The following CEP57L1 variants were observed in gnomAD, a reference collection of about 807,000 sequenced individuals.
CEP57L1 encodes centrosomal protein CEP57L1.
Under a neutral mutation model 61.0 loss-of-function variants are expected in CEP57L1, and 37 were observed. The ratio of observed to expected loss-of-function variants is 0.61; its 90% CI spans 0.47 to 0.80. The LOEUF is 0.80. CEP57L1 is among the 30% of genes least tolerant of loss of function. CEP57L1 has a pLI of 0.00. For synonymous variants in CEP57L1, 137 were observed against 162.3 expected (o/e 0.84, Z 1.19); for missense variants, 422 against 524.7 (o/e 0.80, Z 1.91).
chr6:109,173,140 C>T lies in CEP57L1; in HGVS notation c.*10170C>T, dbSNP rs1436416181. 6.6e-6 allele frequency among the ~76,000 whole-genome samples: 1 copy of T among 152,074 alleles called. No homozygotes were observed. Among genetic ancestry groups the T allele is most frequent in the African/African-American group, 2.4e-5 (1 of 41,400 alleles). ...CATGTCTGTGAAAAGTAAAGGGATA[C>T]TTTTGTGTAATATTTAACCATGTAT... On this transcript the variant is annotated 3_prime_UTR_variant, in exon 11 of 11. Transcript: ENST00000517392.
At chr6:109,153,325 T>C (rs926419021) in intron 4 of CEP57L1, among the ~76,000 whole-genome samples, 3 of 147,478 alleles carry the variant, frequency 2.0e-5, no homozygotes, top group African/African-American at 7.6e-5. Flanking sequence ...TACCATAACC[T>C]TGACTTGCCA....
chr6:109,166,080 T>C lies in CEP57L1; in HGVS notation c.*3110T>C, dbSNP rs1774081941. Among the ~76,000 whole-genome samples the C allele has an allele frequency of 1.3e-5, 2 of 152,178 alleles. No individual in the cohort carries two copies. The highest frequency in any genetic ancestry group is 2.1e-4 in the South Asian group (1 of 4,828). On this transcript the variant is annotated 3_prime_UTR_variant, in exon 11 of 11. Coordinates refer to ENST00000517392, the MANE Select transcript of CEP57L1 (RefSeq NM_001271852.3). ...ATATTCTGATACTGGAAATGGGAGTTGGAATCCTGAATTAACTGTACTTGG... is the reference window on the plus strand; with the variant it reads ...ATATTCTGATACTGGAAATGGGAGTCGGAATCCTGAATTAACTGTACTTGG...
rs995211352 is a variant in CEP57L1 at position 109,170,450 on chromosome 6, C to A, written c.*7480C>A. ...TGCCTTAAAGTTAAATGTACATTGA[C>A]CTTTGGTATTTCTTAGAAAAACCTG... is the stretch of plus-strand genomic sequence containing the variant. On this transcript the variant is annotated 3_prime_UTR_variant, in exon 11 of 11. Transcript: ENST00000517392. 6.6e-6 allele frequency among the ~76,000 whole-genome samples: 1 copy of A among 151,988 alleles called. No individual in the cohort carries two copies. Among genetic ancestry groups the A allele is most frequent in the African/African-American group, 2.4e-5 (1 of 41,368 alleles).
chr6:109,125,266 GTCTT>G lies in CEP57L1; in HGVS notation c.-3-19947_-3-19944del, dbSNP rs1376430516. ...GGAAAGCAGTTTAAACACTTTAGGA[GTCTT>G]TCTTTTAAAACTAGTCGAAATAAAT... On this transcript the variant is annotated intron_variant, in intron 1 of 10. Transcript: ENST00000517392. 4.6e-5 allele frequency among the ~76,000 whole-genome samples: 7 copies of G among 152,198 alleles called. No individual in the cohort carries two copies. The East Asian group carries it at 9.7e-4, about 21-fold the overall frequency.
intron 1 of CEP57L1, among the ~76,000 whole-genome samples, chr6:109,110,181 C>T (rs1451273689): frequency 6.6e-6 from 1 of 152,194 alleles, no homozygotes; most frequent in Non-Finnish European, 1.5e-5. Context: ...TTTTATTTCT[C>T]CACATCCTCT....
chr6:109,157,949 T>C (rs766939756), intron 7 of CEP57L1: 5 of 152,204 alleles, frequency 3.3e-5, no homozygotes, highest in African/African-American at 1.2e-4. Context: ...AACTCCTTCA[T>C]GCAATCCCTC....
At position 109,168,942 on chromosome 6, in the gene CEP57L1, G is replaced by A. The variant is rs532203064; in HGVS notation, c.*5972G>A. Among the ~76,000 whole-genome samples, 1 of 150,474 alleles carries A rather than the reference G, an allele frequency of 6.6e-6. No individual in the cohort carries two copies. The highest frequency in any genetic ancestry group is 2.1e-4 in the South Asian group (1 of 4,770). On this transcript the variant is annotated 3_prime_UTR_variant, in exon 11 of 11. Transcript: ENST00000517392. ...AATAGTATTGAAAATATCAGAATGT[G>A]GCCAGGTGCGATGGCTCACGCCTGT... is the stretch of plus-strand genomic sequence containing the variant.
intron 1 of CEP57L1, among the ~76,000 whole-genome samples, chr6:109,110,479 G>C (rs1178111910): frequency 6.6e-6 from 1 of 152,148 alleles, no homozygotes; most frequent in East Asian, 1.9e-4. Context: ...TAGGTTGCCT[G>C]TTCACTCTGA....
At position 109,154,672 on chromosome 6, in the gene CEP57L1, G is replaced by A. The variant is rs149810119; in HGVS notation, c.580-558G>A. On this transcript the variant is annotated intron_variant, in intron 5 of 10. Coordinates refer to ENST00000517392, the MANE Select transcript of CEP57L1 (RefSeq NM_001271852.3). ...TATAGGATTTTGAATTTTTGGATTAGGGATACCGAACCAGTAATGAAAATA... is the reference window on the plus strand; with the variant it reads ...TATAGGATTTTGAATTTTTGGATTAAGGATACCGAACCAGTAATGAAAATA... 8.2e-3 allele frequency among the ~76,000 whole-genome samples: 1,249 copies of A among 152,106 alleles called. 22 individuals are homozygous for A. Among genetic ancestry groups the A allele is most frequent in the African/African-American group, 0.029 (1,187 of 41,522 alleles).
intron 1 of CEP57L1, among the ~76,000 whole-genome samples, chr6:109,102,668 G>A (rs1160165207): frequency 6.6e-6 from 1 of 151,880 alleles, no homozygotes; most frequent in Non-Finnish European, 1.5e-5. Flanking sequence ...TTTGTAAAAG[G>A]TATAAGGTCT....
intron 1 of CEP57L1, among the ~76,000 whole-genome samples, chr6:109,114,059 T>C (rs1771995098): frequency 6.6e-6 from 1 of 152,130 alleles, no homozygotes. Context: ...TTTTTTTGCT[T>C]TGGGTATATA....
intron 6 of CEP57L1, 29 bp downstream of exon 6, chr6:109,155,336 A>G: frequency 8.6e-7 from 1 of 1,167,486 alleles, no homozygotes. Context: ...AATCTATCAC[A>G]GTAAACCATA....
chr6:109,164,430 A>G lies in CEP57L1; in HGVS notation c.*1460A>G, dbSNP rs1199413020. On this transcript the variant is annotated 3_prime_UTR_variant, in exon 11 of 11. Transcript: ENST00000517392. The stretch of plus-strand genomic sequence containing the variant: ...TCCTTGAAAGTAGTTAATGGCAGAG[A>G]TCAAAATTTCCTCCTGTTGTAAATA... Among the ~76,000 whole-genome samples the G allele has an allele frequency of 6.6e-6, 1 of 152,150 alleles. No homozygotes were observed. The highest frequency in any genetic ancestry group is 1.5e-5 in the Non-Finnish European group (1 of 68,036).
At position 109,124,283 on chromosome 6, in the gene CEP57L1, C is replaced by T. The variant is rs77188440; in HGVS notation, c.-3-20936C>T. On this transcript the variant is annotated intron_variant, in intron 1 of 10. Transcript: ENST00000517392. ...AATCTAAACACCTGTACCTGGCATG[C>T]GAGACTCCTCAGATCTGGTTTCTGC... 8.3e-3 allele frequency among the ~76,000 whole-genome samples: 1,266 copies of T among 152,272 alleles called. 24 individuals are homozygous for T. The highest frequency in any genetic ancestry group is 0.029 in the African/African-American group (1,214 of 41,556).
chr6:109,150,844 G>A (rs1319774822), intron 4 of CEP57L1, among the ~76,000 whole-genome samples: 1 of 151,972 alleles, frequency 6.6e-6, no homozygotes, highest in African/African-American at 2.4e-5. Context: ...ATGCCCGGGG[G>A]AAGTATCCTT....
chr6:109,152,482 CTAGACTTTATCTTT>C (rs1772727759), intron 4 of CEP57L1, among the ~76,000 whole-genome samples: 1 of 152,160 alleles, frequency 6.6e-6, no homozygotes, highest in South Asian at 2.1e-4. Context: ...CACGCCCGGC[CTAGACTTTATCTTT>C]TACAGCCATT....
intron 1 of CEP57L1, among the ~76,000 whole-genome samples, chr6:109,138,750 CAA>C (rs1211108878): frequency 3.9e-5 from 6 of 152,138 alleles, no homozygotes; most frequent in Non-Finnish European, 8.8e-5. Flanking sequence ...CGCCTTTTAT[CAA>C]ATACATATTT....
chr6:109,149,808 G>A (rs1254420540), intron 3 of CEP57L1, among the ~76,000 whole-genome samples: 2 of 152,172 alleles, frequency 1.3e-5, no homozygotes, highest in African/African-American at 4.8e-5. Flanking sequence ...GCAGTGGTTT[G>A]TAGTTCTCCT....
intron 1 of CEP57L1, among the ~76,000 whole-genome samples, chr6:109,134,989 C>T (rs1774671406): frequency 6.6e-6 from 1 of 152,068 alleles, no homozygotes; most frequent in South Asian, 2.1e-4. Context: ...CCATACTGCC[C>T]AAAGTAATTT....
Sources: gnomAD v4.1 joint callset for allele counts (sites outside exome capture counted in the v4.1 genomes callset) on GRCh38, gnomAD v4.1.1 for gene constraint, MANE v1.5 for transcripts, NCBI Gene and HGNC (gene_info 2026-07-23, HGNC 2026-07-21) for gene names.